Variants in MECOM observed in about 807,000 individuals in gnomAD.
MECOM encodes histone-lysine N-methyltransferase MECOM.
In MECOM, 13 loss-of-function variants were observed where a neutral mutation model predicts 116.3. The ratio of observed to expected loss-of-function variants is 0.11; its 90% CI spans 0.07 to 0.18. The LOEUF (loss-of-function observed/expected upper bound fraction) is 0.18, where lower values mean the gene tolerates loss of function less well. MECOM is among the 10% of genes least tolerant of loss of function. The pLI is 1.00. For synonymous variants in MECOM, 528 were observed against 535.2 expected, an observed-to-expected ratio of 0.99 and a Z score of 0.19; for missense variants, 1,299 against 1,509.0, an observed-to-expected ratio of 0.86 and a Z score of 2.31.
At chr3:169,396,910 T>A (rs1735108426) in intron 1 of MECOM, among the ~76,000 whole-genome samples, 1 of 152,140 alleles carries the variant, frequency 6.6e-6, no homozygotes. Context: ...GAGGCGCATG[T>A]TGCAGTGAGC....
At chr3:169,105,167 T>C (rs1391022467) in intron 10 of MECOM, among the ~76,000 whole-genome samples, 3 of 152,170 alleles carry the variant, frequency 2.0e-5, no homozygotes, top group Admixed American at 2.0e-4. Flanking sequence ...AATCCTTCTT[T>C]TCATCTTCCT....
At chr3:169,146,398 G>C (rs1014899911) in intron 2 of MECOM, 3 of 1,389,480 alleles carry the variant, frequency 2.2e-6, no homozygotes, top group Non-Finnish European at 2.9e-6. Context: ...CGAAACCGAC[G>C]GACAGAGACA....
At chr3:169,534,548 TA>T (rs150716980) in intron 1 of MECOM, among the ~76,000 whole-genome samples, 4 of 151,288 alleles carry the variant, frequency 2.6e-5, no homozygotes, top group Admixed American at 6.6e-5. Context: ...TTCCTTTTAT[TA>T]AAAAAAAACC....
chr3:169,229,393 T>C (rs1037321044), intron 2 of MECOM, among the ~76,000 whole-genome samples: 3 of 152,192 alleles, frequency 2.0e-5, no homozygotes, highest in African/African-American at 4.8e-5. Context: ...TGAGAAATTA[T>C]ATTCTCTGGT....
chr3:169,553,963 T>C, intron 1 of MECOM, among the ~76,000 whole-genome samples: 1 of 151,890 alleles, frequency 6.6e-6, no homozygotes, highest in Non-Finnish European at 1.5e-5. Context: ...CTTCAATATA[T>C]GAATTTGGCC....
chr3:169,114,301 T>C (rs867429230), intron 8 of MECOM, among the ~76,000 whole-genome samples: 2 of 152,210 alleles, frequency 1.3e-5, no homozygotes, highest in Non-Finnish European at 2.9e-5. Context: ...TTATTTTGTA[T>C]TGTCCTTTGA....
intron 2 of MECOM, among the ~76,000 whole-genome samples, chr3:169,264,286 T>C (rs1757995718): frequency 6.6e-6 from 1 of 152,218 alleles, no homozygotes; most frequent in Non-Finnish European, 1.5e-5. Context: ...CCTTGGCTGA[T>C]GGGAGGCTGA....
chr3:169,287,626 G>C (rs764633671), intron 2 of MECOM, among the ~76,000 whole-genome samples: 1 of 152,088 alleles, frequency 6.6e-6, no homozygotes, highest in Non-Finnish European at 1.5e-5. Flanking sequence ...CATGAAGCTG[G>C]TGTTCAAATC....
At chr3:169,397,636 G>A (rs575514568) in intron 1 of MECOM, among the ~76,000 whole-genome samples, 31 of 152,252 alleles carry the variant, frequency 2.0e-4, no homozygotes, top group African/African-American at 5.8e-4. Flanking sequence ...CTTAGCTGAC[G>A]AATGAACATG....
intron 1 of MECOM, among the ~76,000 whole-genome samples, chr3:169,385,726 A>G (rs1733211863): frequency 6.6e-6 from 1 of 152,226 alleles, no homozygotes; most frequent in Admixed American, 6.5e-5. Flanking sequence ...AATTACTTCA[A>G]TTATCATATC....
chr3:169,447,441 C>A (rs558415037), intron 1 of MECOM, among the ~76,000 whole-genome samples: 10 of 152,126 alleles, frequency 6.6e-5, no homozygotes, highest in Non-Finnish European at 1.5e-4. Context: ...TATCTCCCCC[C>A]ACCAAGAACT....
At chr3:169,431,649 T>C (rs1159996929) in intron 1 of MECOM, among the ~76,000 whole-genome samples, 1 of 152,208 alleles carries the variant, frequency 6.6e-6, no homozygotes. Flanking sequence ...TTTCAATATT[T>C]TCCATGGTAA....
At chr3:169,372,788 T>C (rs1033820111) in intron 2 of MECOM, among the ~76,000 whole-genome samples, 1 of 151,938 alleles carries the variant, frequency 6.6e-6, no homozygotes. Context: ...ACAACTCTAA[T>C]TGGTTAGATA....
intron 1 of MECOM, among the ~76,000 whole-genome samples, chr3:169,570,729 T>C (rs1000664828): frequency 6.6e-6 from 1 of 152,050 alleles, no homozygotes; most frequent in Non-Finnish European, 1.5e-5. Context: ...ACATAACCAA[T>C]GACAAAAACC....
chr3:169,130,458 C>T lies in MECOM; in HGVS notation c.613+971G>A, dbSNP rs1041947462. On this transcript the variant is annotated intron_variant, in intron 4 of 16. Coordinates refer to ENST00000651503, the MANE Select transcript of MECOM (RefSeq NM_004991.4). ...GAAAATGAGTACCAAAAGCGCCCCC[C>T]GCCCCCGCCGCCAGCCCTCCCCCTC... Among the ~76,000 whole-genome samples the T allele has an allele frequency of 4.6e-5, 7 of 151,206 alleles. No individual in the cohort carries two copies. The South Asian group carries it at 8.4e-4, about 18-fold the overall frequency.
chr3:169,233,117 A>G (rs543835481), intron 2 of MECOM, among the ~76,000 whole-genome samples: 2 of 152,250 alleles, frequency 1.3e-5, no homozygotes, highest in East Asian at 3.9e-4. Context: ...CAAAAGAAAG[A>G]TAGTGACGTC....
chr3:169,659,889 A>T (rs1197119224), intron 1 of MECOM, among the ~76,000 whole-genome samples: 1 of 151,940 alleles, frequency 6.6e-6, no homozygotes, highest in African/African-American at 2.4e-5. Context: ...TTAAACAGAG[A>T]GCAAGTGTAG....
At chr3:169,453,901 G>A (rs376089078) in intron 1 of MECOM, among the ~76,000 whole-genome samples, 5 of 151,890 alleles carry the variant, frequency 3.3e-5, no homozygotes, top group East Asian at 3.9e-4. Context: ...TGGTAAATAA[G>A]GCTAAAAGCA....
intron 1 of MECOM, among the ~76,000 whole-genome samples, chr3:169,597,232 G>A (rs377466901): frequency 6.6e-6 from 1 of 152,168 alleles, no homozygotes; most frequent in Non-Finnish European, 1.5e-5. Context: ...ATAAGGAGCC[G>A]GGTGGAGAGT....
Sources: allele counts gnomAD v4.1 joint callset (sites outside exome capture counted in the v4.1 genomes callset), GRCh38; gene constraint gnomAD v4.1.1; transcripts MANE v1.5; gene names NCBI Gene and HGNC (gene_info 2026-07-23, HGNC 2026-07-21).